Variants in SLC9A1 observed in about 807,000 individuals in gnomAD.
SLC9A1 encodes solute carrier family 9 member A1.
SLC9A1 carries 22 observed loss-of-function variants against 67.9 expected under a neutral mutation model. That is an observed-to-expected ratio of 0.32 (90% CI 0.23 to 0.46). The LOEUF is 0.46. Among genes scored for constraint, SLC9A1 ranks in the 20% least tolerant of loss-of-function variants. The probability of loss-of-function intolerance (pLI) is 1.00; values close to 1 mark genes in which losing one functional copy is unlikely to be tolerated. For synonymous variants in SLC9A1, 421 were observed against 471.8 expected (o/e 0.89, Z 1.40); for missense variants, 686 against 1,094.8 (o/e 0.63, Z 5.27).
At chr1:27,116,043 T>C (rs568267191) in intron 1 of SLC9A1, among the ~76,000 whole-genome samples, 1 of 152,154 alleles carries the variant, frequency 6.6e-6, no homozygotes, top group Admixed American at 6.5e-5. Flanking sequence ...ATCTGGGCAG[T>C]GCTAGTACGG....
Position 27,154,043 on chromosome 1 carries a change from G to A in SLC9A1, c.292C>T (p.His98Tyr), listed in dbSNP as rs1296045759. The A allele has an allele frequency of 1.9e-6, 3 of 1,610,374 alleles. No homozygotes were observed. The highest frequency in any genetic ancestry group is 8.5e-7 in the Non-Finnish European group (1 of 1,177,542). Residue 98 changes from histidine to tyrosine, a missense_variant, in exon 1 of 12, where the codon CAC becomes TAC. His to Tyr is a moderately conservative substitution (Grantham distance 83). This residue lies in a region of SLC9A1 where 143 missense variants were observed against 166.7 expected (regional missense o/e 0.86). Coordinates refer to ENST00000263980, the MANE Select transcript of SLC9A1 (RefSeq NM_003047.5). ...GAGATCTCGAAGGGGGTGCGCACGT[G>A]TGTGTAGTCGATGCCCAGGACTGGA... ...AFPVLGIDYT[H>Y]VRTPFEISLW...
At position 27,114,327 on chromosome 1, in the gene SLC9A1, G is replaced by T; in HGVS notation, c.353-41C>A. The T allele has an allele frequency of 6.5e-7, 1 of 1,532,668 alleles. No homozygotes were observed. The highest frequency in any genetic ancestry group is 8.9e-7 in the Non-Finnish European group (1 of 1,119,992). The allele number at this position is 1,532,668 out of a possible 1,614,324, so 94.9% of individuals were successfully genotyped here. ...GAACGGGAGGCCATGGGCTTTCGGA[G>T]GAGCCAGGAGAATAGAAGGTTGGGG... On this transcript the variant is annotated intron_variant, in intron 1 of 11. Transcript: ENST00000263980. This position sits in a 1 kb window ranked among gnomAD's most constrained non-coding sequence, Gnocchi z 5.4.
chr1:27,143,561 G>C (rs1436263417), intron 1 of SLC9A1, among the ~76,000 whole-genome samples: 1 of 152,196 alleles, frequency 6.6e-6, no homozygotes, highest in Non-Finnish European at 1.5e-5. Context: ...CCAAAGGATA[G>C]AGCTGTGGAA....
chr1:27,121,920 C>T (rs1488594791), intron 1 of SLC9A1, among the ~76,000 whole-genome samples: 1 of 152,086 alleles, frequency 6.6e-6, no homozygotes, highest in Non-Finnish European at 1.5e-5. Flanking sequence ...GTCAGGAGTT[C>T]GAGATTAGCC....
At chr1:27,123,843 T>C (rs1378000113) in intron 1 of SLC9A1, among the ~76,000 whole-genome samples, 1 of 150,158 alleles carries the variant, frequency 6.7e-6, no homozygotes, top group Non-Finnish European at 1.5e-5. Flanking sequence ...AATTTTTTTT[T>C]TGAGACGGAG....
chr1:27,145,642 C>T (rs898912923), intron 1 of SLC9A1, among the ~76,000 whole-genome samples: 1 of 152,206 alleles, frequency 6.6e-6, no homozygotes, highest in Non-Finnish European at 1.5e-5. Flanking sequence ...GGGGTAAGTG[C>T]TTCCCAAGGG....
rs2083215148 is a variant in SLC9A1, at chr1:27,109,746, T to C, written c.845A>G (p.Asn282Ser). The C allele has an allele frequency of 1.2e-6, 2 of 1,613,924 alleles. No individual in the cohort carries two copies. Among genetic ancestry groups the C allele is most frequent in the African/African-American group, 1.3e-5 (1 of 74,906 alleles). Residue 282 changes from asparagine (N) to serine (S), a missense_variant, in exon 3 of 12, where the codon AAC (asparagine) becomes AGC (serine). Around this residue, in one of 7 missense-constraint regions of SLC9A1, gnomAD observed 58 missense variants for 68.9 expected, o/e 0.84. Transcript: ENST00000263980. The surrounding 1 kb of genome is among the most constrained non-coding windows in gnomAD (Gnocchi z 5.5). ...GTCCACGATGCCCACGTGTTCGTAGTTGGCAAACTCCTCAAAGAGGTGATA... is the reference window on the plus strand; with the variant it reads ...GTCCACGATGCCCACGTGTTCGTAGCTGGCAAACTCCTCAAAGAGGTGATA... ...VLYHLFEEFA[N>S]YEHVGIVDIF... is the part of the protein sequence containing the mutation.
At chr1:27,135,766 G>A (rs111676246) in intron 1 of SLC9A1, among the ~76,000 whole-genome samples, 3,533 of 152,292 alleles carry the variant, frequency 0.023, 125 homozygotes, top group African/African-American at 0.081. Flanking sequence ...AGGCAACACC[G>A]AACAGCAATA....
intron 1 of SLC9A1, among the ~76,000 whole-genome samples, chr1:27,153,099 T>C (rs1005321826): frequency 2.0e-5 from 3 of 152,140 alleles, no homozygotes; most frequent in Non-Finnish European, 4.4e-5. Flanking sequence ...GCAAATAAGT[T>C]GTCTGTTTCC....
chr1:27,118,900 G>A lies in SLC9A1; in HGVS notation c.353-4614C>T, dbSNP rs553296879. On this transcript the variant is annotated intron_variant, in intron 1 of 11. Coordinates refer to ENST00000263980, the MANE Select transcript of SLC9A1 (RefSeq NM_003047.5). The surrounding 1 kb of genome is among the most constrained non-coding windows in gnomAD (Gnocchi z 4.3). ...CAGTCCTCCCAGAACAAGGAGGCAC[G>A]AAAGTGTGGAATTCAACATCTCCAA... is the stretch of plus-strand genomic sequence containing the variant. 1.2e-3 allele frequency among the ~76,000 whole-genome samples: 190 copies of A among 152,262 alleles called. No homozygotes were observed. The highest frequency in any genetic ancestry group is 2.1e-3 in the Non-Finnish European group (145 of 68,008).
chr1:27,136,660 T>G (rs935803117), intron 1 of SLC9A1, among the ~76,000 whole-genome samples: 1 of 152,032 alleles, frequency 6.6e-6, no homozygotes, highest in Admixed American at 6.5e-5. Flanking sequence ...CGGATACCCC[T>G]CTCCGGCTAC....
intron 1 of SLC9A1, among the ~76,000 whole-genome samples, chr1:27,128,155 TAA>T (rs1329105409): frequency 1.3e-5 from 2 of 152,160 alleles, no homozygotes; most frequent in African/African-American, 2.4e-5. Context: ...GCGGGCAGCG[TAA>T]AGAGCTCTGG....
In SLC9A1 at chr1:27,114,029, G is replaced by A. The variant is rs763272228; in HGVS notation, c.610C>T (p.Leu204=). ...VVGTLWNAFF[L]GGLMYAVCLV... Reference sequence around the variant, plus strand: ...CACACGGCGTACATGAGGCCGCCCAGGAAGAAGGCGTTCCACAGCGTGCCC... The same window carrying A: ...CACACGGCGTACATGAGGCCGCCCAAGAAGAAGGCGTTCCACAGCGTGCCC... The change falls in exon 2 of 12, where the codon CTG becomes TTG. Residue 204 remains leucine, a synonymous_variant. Transcript: ENST00000263980. This position sits in a 1 kb window ranked among gnomAD's most constrained non-coding sequence, Gnocchi z 5.4. The A allele has an allele frequency of 1.9e-6, 3 of 1,614,028 alleles. No individual in the cohort carries two copies. In the East Asian group the frequency reaches 6.7e-5, roughly 36 times the overall value.
chr1:27,128,722 C>T (rs907966785), intron 1 of SLC9A1, among the ~76,000 whole-genome samples: 2 of 151,706 alleles, frequency 1.3e-5, no homozygotes, highest in Non-Finnish European at 2.9e-5. Flanking sequence ...CTTTGAGACG[C>T]CAAGGCGGGC....
At chr1:27,140,362 GA>G (rs2124201218) in intron 1 of SLC9A1, among the ~76,000 whole-genome samples, 1 of 152,160 alleles carries the variant, frequency 6.6e-6, no homozygotes, top group East Asian at 1.9e-4. Context: ...ACTAAAGAAC[GA>G]GCTCAGACAA....
At chr1:27,139,090 C>T (rs2083437897) in intron 1 of SLC9A1, among the ~76,000 whole-genome samples, 1 of 152,118 alleles carries the variant, frequency 6.6e-6, no homozygotes, top group East Asian at 1.9e-4. Flanking sequence ...CTTCATCCAG[C>T]CCCGCCCACC....
chr1:27,139,217 T>C (rs1249147107), intron 1 of SLC9A1, among the ~76,000 whole-genome samples: 2 of 152,182 alleles, frequency 1.3e-5, no homozygotes, highest in Non-Finnish European at 2.9e-5. Context: ...TTAACCGGTG[T>C]CACGGCCATT....
chr1:27,155,102 C>G lies in SLC9A1; in HGVS notation c.-768G>C, dbSNP rs369887024. On this transcript the variant is annotated 5_prime_UTR_variant, in exon 1 of 12. Transcript: ENST00000263980. The surrounding 1 kb of genome is among the most constrained non-coding windows in gnomAD (Gnocchi z 4.5). ...GGTCCAGCTCCAGAACTAACCCTAGCCCCGGCCCCGGCGGCAGCAGACTGA... is the reference window on the plus strand; with the variant it reads ...GGTCCAGCTCCAGAACTAACCCTAGGCCCGGCCCCGGCGGCAGCAGACTGA... Among the ~76,000 whole-genome samples the G allele has an allele frequency of 6.6e-6, 1 of 152,064 alleles. No homozygotes were observed. Among genetic ancestry groups the G allele is most frequent in the Non-Finnish European group, 1.5e-5 (1 of 67,994 alleles).
At chr1:27,128,920 A>C (rs1020005388) in intron 1 of SLC9A1, among the ~76,000 whole-genome samples, 4 of 152,154 alleles carry the variant, frequency 2.6e-5, no homozygotes, top group Non-Finnish European at 5.9e-5. Flanking sequence ...TCCTCACGCC[A>C]TTGCACTCCA....
Sources: allele counts gnomAD v4.1 joint callset (sites outside exome capture counted in the v4.1 genomes callset), GRCh38; gene constraint gnomAD v4.1.1; regional missense constraint gnomAD v4.1.1; non-coding constraint Gnocchi (gnomAD v3.1); transcripts MANE v1.5; gene names NCBI Gene and HGNC (gene_info 2026-07-23, HGNC 2026-07-21).